The following SPIC variants were observed in gnomAD, a reference collection of about 807,000 sequenced individuals.
SPIC encodes Spi-C transcription factor.
In SPIC, 9 loss-of-function variants were observed where a neutral mutation model predicts 16.7. The ratio of observed to expected loss-of-function variants is 0.54; its 90% CI spans 0.33 to 0.94. The LOEUF is 0.94. Among genes scored for constraint, SPIC ranks in the 40% least tolerant of loss-of-function variants. The pLI is 0.03. For missense variants in SPIC, 241 were observed against 285.8 expected, an observed-to-expected ratio of 0.84 and a Z score of 1.13; for synonymous variants, 97 against 102.9, an observed-to-expected ratio of 0.94 and a Z score of 0.35.
At position 101,482,068 on chromosome 12, in the gene SPIC, C is replaced by G. The variant is rs143415845; in HGVS notation, c.211-724C>G. ...GACCAGCCTGGCCAACATGGAGAAA[C>G]CCCATCTCTACTAAAAATACAAAAT... On this transcript the variant is annotated intron_variant, in intron 4 of 5. Coordinates refer to ENST00000551346, the MANE Select transcript of SPIC (RefSeq NM_152323.3). Among the ~76,000 whole-genome samples, 92 of 147,198 alleles carry G rather than the reference C, an allele frequency of 6.3e-4. 2 individuals carry two copies. The East Asian group carries it at 0.02, about 32-fold the overall frequency.
chr12:101,485,533 C>CT (rs895934204), intron 5 of SPIC, among the ~76,000 whole-genome samples: 7 of 152,134 alleles, frequency 4.6e-5, no homozygotes, highest in African/African-American at 1.7e-4. Flanking sequence ...AGTTTTTCTC[C>CT]TTTTTTATTT....
intron 4 of SPIC, 102 bp downstream of exon 4, chr12:101,479,796 C>A: frequency 3.3e-5 from 23 of 701,906 alleles, no homozygotes; most frequent in Non-Finnish European, 4.7e-5. Context: ...ACAGCATTGA[C>A]TATGAAAATG....
chr12:101,479,735 A>C, intron 4 of SPIC, 41 bp downstream of exon 4: 1 of 1,449,608 alleles, frequency 6.9e-7, no homozygotes, highest in Non-Finnish European at 9.6e-7. Flanking sequence ...CAAATATCCT[A>C]TTCTTGCCAG....
chr12:101,483,560 C>T (rs1295653345), intron 5 of SPIC, among the ~76,000 whole-genome samples: 4 of 151,822 alleles, frequency 2.6e-5, no homozygotes, highest in African/African-American at 9.7e-5. Flanking sequence ...AATGATAAAA[C>T]ATATATACAG....
chr12:101,476,690 G>A (rs1477621962), intron 1 of SPIC, 138 bp from the exon 2 acceptor site: 1 of 340,972 alleles, frequency 2.9e-6, no homozygotes, highest in South Asian at 1.5e-4. Flanking sequence ...AAAAAAATTT[G>A]TACTCATCAA....
chr12:101,486,831 TCTCC>T lies in SPIC; in HGVS notation c.*68_*71del. 1 of 1,345,306 alleles carries T rather than the reference TCTCC, an allele frequency of 7.4e-7. No individual in the cohort carries two copies. Among genetic ancestry groups the T allele is most frequent in the Non-Finnish European group, 9.9e-7 (1 of 1,006,624 alleles). The allele number at this position is 1,345,306 out of a possible 1,614,324, so 83.3% of individuals were successfully genotyped here. A position where few individuals can be genotyped will look rare whatever the true frequency, so the allele number is the denominator to read the frequency against. On this transcript the variant is annotated 3_prime_UTR_variant, in exon 6 of 6. Transcript: ENST00000551346. ...GAAATCTCTACAAGTTTTAATGATT[TCTCC>T]CTCCCTCTCTTTTTTTCCTCCTCTG...
chr12:101,479,426 C>T (rs1873117833), intron 3 of SPIC, among the ~76,000 whole-genome samples, 156 bp from the exon 4 acceptor site: 2 of 152,024 alleles, frequency 1.3e-5, no homozygotes, highest in Admixed American at 1.3e-4. Context: ...TCCATAATAG[C>T]AGCATAATGA....
chr12:101,486,600 G>C lies in SPIC; in HGVS notation c.576G>C (p.Gln192His), dbSNP rs1182646336. ...AAATCCGGAGGAAGCTGACTTACCA[G>C]TTCAGTGAGGCCATTCTCCAAAGAC... The part of the protein sequence containing the change: ...ITKIRRKLTY[Q>H]FSEAILQRLS... Residue 192 changes from glutamine (Q) to histidine (H), a missense_variant, in exon 6 of 6, where the codon CAG becomes CAC. Physicochemically the swap from Gln to His is conservative, Grantham distance 24. Coordinates refer to ENST00000551346, the MANE Select transcript of SPIC (RefSeq NM_152323.3). The C allele has an allele frequency of 1.2e-6, 2 of 1,614,020 alleles. No homozygotes were observed. The highest frequency in any genetic ancestry group is 1.7e-6 in the Non-Finnish European group (2 of 1,179,942).
intron 4 of SPIC, among the ~76,000 whole-genome samples, chr12:101,481,688 A>G (rs542009923): frequency 7.6e-4 from 114 of 150,958 alleles, no homozygotes; most frequent in Non-Finnish European, 1.3e-3. Context: ...TAATTTTTGT[A>G]TTTTTAGTAG....
At chr12:101,475,975 T>C (rs955815707) in intron 1 of SPIC, among the ~76,000 whole-genome samples, 2 of 152,200 alleles carry the variant, frequency 1.3e-5, no homozygotes, top group East Asian at 3.8e-4. Flanking sequence ...TGGATATATA[T>C]AATATTGGCA....
rs1555209046 is a variant in SPIC at position 101,479,307 on chromosome 12, A to AGAAAGAAAGAAAGAAAGAAAG, written c.98-275_98-274insGAAAGAAAGAAAGAAAGAAAG. Among the ~76,000 whole-genome samples, 223 of 88,190 alleles carry AGAAAGAAAGAAAGAAAGAAAG rather than the reference A, an allele frequency of 2.5e-3. 13 individuals are homozygous for AGAAAGAAAGAAAGAAAGAAAG. Among genetic ancestry groups the AGAAAGAAAGAAAGAAAGAAAG allele is most frequent in the Admixed American group, 3.5e-3 (31 of 8,810 alleles). The allele number at this position is 88,190 out of a possible 152,430, so 57.9% of individuals were successfully genotyped here. On this transcript the variant is annotated intron_variant, in intron 3 of 5. Transcript: ENST00000551346. ...GAAAAAGAAAGAAAGAAAGAAAGAA[A>AGAAAGAAAGAAAGAAAGAAAG]AAAGAAAGAAAGAAAGAAAGAAAGA...
chr12:101,476,043 T>A (rs1872948099), intron 1 of SPIC, among the ~76,000 whole-genome samples: 1 of 152,160 alleles, frequency 6.6e-6, no homozygotes, highest in Non-Finnish European at 1.5e-5. Flanking sequence ...GTAAACACAT[T>A]GTGTTTGCGG....
At chr12:101,476,537 ATACT>A (rs1872961855) in intron 1 of SPIC, among the ~76,000 whole-genome samples, 1 of 152,236 alleles carries the variant, frequency 6.6e-6, no homozygotes, top group Admixed American at 6.5e-5. Flanking sequence ...TAATTTTGAA[ATACT>A]TATATATACT....
intron 3 of SPIC, among the ~76,000 whole-genome samples, chr12:101,479,298 AAGAAAGAAAAAAG>A (rs1324761845): frequency 1.7e-4 from 8 of 46,054 alleles, no homozygotes; most frequent in African/African-American, 7.2e-4. Flanking sequence ...GAAAGAAAGA[AAGAAAGAAAAAAG>A]AAAGAAAGAA....
intron 4 of SPIC, among the ~76,000 whole-genome samples, chr12:101,480,902 G>T (rs993976598): frequency 1.3e-5 from 2 of 152,178 alleles, no homozygotes; most frequent in African/African-American, 4.8e-5. Flanking sequence ...ACTTAGGGTT[G>T]CCAGGTAAAA....
At chr12:101,484,678 A>G in intron 5 of SPIC, among the ~76,000 whole-genome samples, 1 of 151,466 alleles carries the variant, frequency 6.6e-6, no homozygotes, top group South Asian at 2.1e-4. Context: ...CATGGTTAAA[A>G]AAAAATTATA....
intron 5 of SPIC, among the ~76,000 whole-genome samples, chr12:101,483,511 T>G (rs1182523484): frequency 2.0e-5 from 3 of 152,198 alleles, no homozygotes; most frequent in African/African-American, 7.2e-5. Flanking sequence ...TACAGTTAAA[T>G]TTAAAAGAAA....
chr12:101,477,516 T>C (rs749686150), intron 2 of SPIC, 42 bp from the exon 3 acceptor site: 6 of 1,551,172 alleles, frequency 3.9e-6, no homozygotes, highest in Admixed American at 1.7e-5. Context: ...TAAGTTTAAT[T>C]GGTAATTCGA....
chr12:101,477,590 A>G lies in SPIC; in HGVS notation c.36A>G (p.Ala12=), dbSNP rs145799421. The G allele has an allele frequency of 9.9e-6, 16 of 1,613,980 alleles. No homozygotes were observed. Among genetic ancestry groups the G allele is most frequent in the East Asian group, 2.2e-5 (1 of 44,900 alleles). The change falls in exon 3 of 6, where the codon GCA becomes GCG. Residue 12 remains alanine, a synonymous_variant. Transcript: ENST00000551346. ...TTGAACAAGACAAGCTGGGTCAAGCATTTGAAGATGCTTTTGAGGTTCTGA... is the reference window on the plus strand; with the variant it reads ...TTGAACAAGACAAGCTGGGTCAAGCGTTTGAAGATGCTTTTGAGGTTCTGA... ...TCVEQDKLGQ[A]FEDAFEVLRQ... is the part of the protein sequence containing the mutation.
Sources: gnomAD v4.1 joint callset for allele counts (sites outside exome capture counted in the v4.1 genomes callset) on GRCh38, gnomAD v4.1.1 for gene constraint, MANE v1.5 for transcripts, NCBI Gene and HGNC (gene_info 2026-07-23, HGNC 2026-07-21) for gene names.